Variants in GSG1L observed in about 807,000 individuals in gnomAD.
The protein encoded by GSG1L is germ cell-specific gene 1-like protein.
A neutral mutation model predicts 42.1 loss-of-function variants in GSG1L; 24 were observed. The observed-to-expected ratio is 0.57, with a 90% CI of 0.41 to 0.80. The LOEUF (loss-of-function observed/expected upper bound fraction) is 0.80. Ranked by LOEUF, GSG1L falls within the 30% of genes least tolerant of loss-of-function variation. The pLI, the probability that GSG1L is intolerant of heterozygous loss-of-function variation, is 0.00. For synonymous variants in GSG1L, 215 were observed against 203.5 expected (o/e 1.06, Z -0.48); for missense variants, 445 against 472.2 (o/e 0.94, Z 0.53).
chr16:27,845,104 G>A, intron 3 of GSG1L, 43 bp from the exon 4 acceptor site: 1 of 1,375,028 alleles, frequency 7.3e-7, no homozygotes, highest in Non-Finnish European at 1.0e-6. Context: ...AAGTAAGGAA[G>A]GGCTTTGTCC....
chr16:27,801,596 G>A (rs2082882875), intron 6 of GSG1L, among the ~76,000 whole-genome samples: 1 of 152,176 alleles, frequency 6.6e-6, no homozygotes, highest in Admixed American at 6.5e-5. Flanking sequence ...CGAATTCTGA[G>A]ACGGCATCAT....
At chr16:28,061,246 G>A (rs557198251) in intron 1 of GSG1L, among the ~76,000 whole-genome samples, 12 of 152,354 alleles carry the variant, frequency 7.9e-5, no homozygotes, top group Admixed American at 3.9e-4. Context: ...CGAGGCCTCC[G>A]TGTGAGAGAT....
chr16:28,033,214 C>A (rs542173793), intron 1 of GSG1L, among the ~76,000 whole-genome samples: 1 of 152,162 alleles, frequency 6.6e-6, no homozygotes, highest in African/African-American at 2.4e-5. Flanking sequence ...CCTCTCTTAC[C>A]GTCCTCTAGG....
chr16:28,034,861 G>A (rs1200693490), intron 1 of GSG1L, among the ~76,000 whole-genome samples: 1 of 152,176 alleles, frequency 6.6e-6, no homozygotes, highest in Non-Finnish European at 1.5e-5. Context: ...CTGGGGTGGA[G>A]GTGCAGGGGA....
At chr16:27,825,294 G>A (rs1268783460) in intron 5 of GSG1L, among the ~76,000 whole-genome samples, 3 of 152,176 alleles carry the variant, frequency 2.0e-5, no homozygotes, top group Non-Finnish European at 2.9e-5. Context: ...AGACGGCATA[G>A]GTCTTCTATC....
intron 5 of GSG1L, among the ~76,000 whole-genome samples, chr16:27,810,547 A>G (rs2083019643): frequency 6.6e-6 from 1 of 152,210 alleles, no homozygotes; most frequent in South Asian, 2.1e-4. Flanking sequence ...TGTACTTCCC[A>G]GGGAACATAC....
chr16:27,999,002 AC>A lies in GSG1L; in HGVS notation c.350-35800del, dbSNP rs530090467. 4.0e-4 allele frequency among the ~76,000 whole-genome samples: 61 copies of A among 152,290 alleles called. 2 individuals carry two copies. Among genetic ancestry groups the A allele is most frequent in the African/African-American group, 1.3e-3 (55 of 41,562 alleles). ...CTTTAAAAAAGTCCCTCTATATGAC[AC>A]GTGTCACTTGGCATTTGAATTATAT... is the stretch of plus-strand genomic sequence containing the variant. On this transcript the variant is annotated intron_variant, in intron 1 of 6. Transcript: ENST00000447459.
At chr16:28,060,021 G>A (rs2086323144) in intron 1 of GSG1L, among the ~76,000 whole-genome samples, 1 of 152,184 alleles carries the variant, frequency 6.6e-6, no homozygotes, top group Non-Finnish European at 1.5e-5. Context: ...CGTTGGAGAG[G>A]AGGGAACATT....
chr16:27,858,895 C>T (rs2083609859), intron 3 of GSG1L, among the ~76,000 whole-genome samples: 1 of 152,168 alleles, frequency 6.6e-6, no homozygotes, highest in Admixed American at 6.5e-5. Context: ...TTAGTTTAGC[C>T]AAGGAAGTCA....
intron 3 of GSG1L, among the ~76,000 whole-genome samples, chr16:27,878,648 G>A (rs554253337): frequency 1.3e-5 from 2 of 152,272 alleles, no homozygotes; most frequent in South Asian, 2.1e-4. Context: ...TGTTGCCCAG[G>A]CTGATCTCAA....
chr16:27,853,564 G>A (rs1414190337), intron 3 of GSG1L, among the ~76,000 whole-genome samples: 2 of 152,162 alleles, frequency 1.3e-5, no homozygotes, highest in African/African-American at 4.8e-5. Context: ...CCCCAACCTT[G>A]TCTTGTCTGC....
intron 5 of GSG1L, among the ~76,000 whole-genome samples, chr16:27,818,323 T>C (rs1252713971): frequency 6.6e-6 from 1 of 152,166 alleles, no homozygotes; most frequent in East Asian, 1.9e-4. Context: ...CCACCATCCT[T>C]TGATAATTTT....
intron 2 of GSG1L, among the ~76,000 whole-genome samples, chr16:27,916,542 C>A (rs549639499): frequency 6.2e-4 from 90 of 144,134 alleles, no homozygotes; most frequent in Admixed American, 5.7e-4. Flanking sequence ...AGGCTGATCT[C>A]AGACTCCTGG....
intron 1 of GSG1L, among the ~76,000 whole-genome samples, chr16:28,023,890 T>C (rs908598917): frequency 6.6e-6 from 1 of 151,158 alleles, no homozygotes; most frequent in Non-Finnish European, 1.5e-5. Context: ...ATTAGCCAGG[T>C]GTGGGGGTGC....
At chr16:27,831,911 T>C (rs1201817808) in intron 4 of GSG1L, among the ~76,000 whole-genome samples, 1 of 152,114 alleles carries the variant, frequency 6.6e-6, no homozygotes, top group African/African-American at 2.4e-5. Flanking sequence ...CCCATTGCCT[T>C]CCCTCCCTGT....
chr16:27,888,935 TAG>T (rs2084089308), intron 2 of GSG1L, among the ~76,000 whole-genome samples: 1 of 100,608 alleles, frequency 9.9e-6, no homozygotes, highest in Non-Finnish European at 2.2e-5. Flanking sequence ...TAGATAGATA[TAG>T]ATATAGATAT....
chr16:27,869,849 ATC>A (rs1414426405), intron 3 of GSG1L, among the ~76,000 whole-genome samples: 2 of 24,330 alleles, frequency 8.2e-5, no homozygotes, highest in African/African-American at 2.0e-4. Context: ...CTCTCTCTCC[ATC>A]TCTCTCTGTC....
At position 28,041,944 on chromosome 16, in the gene GSG1L, T is replaced by A. The variant is rs59853954; in HGVS notation, c.349+21132A>T. Among the ~76,000 whole-genome samples, 301 of 152,304 alleles carry A rather than the reference T, an allele frequency of 2.0e-3. 1 individual carries two copies. The highest frequency in any genetic ancestry group is 0.012 in the East Asian group (64 of 5,182). On this transcript the variant is annotated intron_variant, in intron 1 of 6. Coordinates refer to ENST00000447459, the MANE Select transcript of GSG1L (RefSeq NM_001109763.2). ...CCCCCTGGCTTCCATCCACTCAACA[T>A]CTTGAGCTGCAAAGTAAAACTGGGC...
At chr16:27,952,542 G>A (rs2084961427) in intron 2 of GSG1L, among the ~76,000 whole-genome samples, 1 of 152,218 alleles carries the variant, frequency 6.6e-6, no homozygotes, top group Non-Finnish European at 1.5e-5. Context: ...GGAAATGGAT[G>A]TGTGCAGAGC....
Sources: allele counts gnomAD v4.1 joint callset (sites outside exome capture counted in the v4.1 genomes callset), GRCh38; gene constraint gnomAD v4.1.1; transcripts MANE v1.5; gene names NCBI Gene and HGNC (gene_info 2026-07-23, HGNC 2026-07-21).